The following TPX2 variants were observed in gnomAD, a reference collection of about 807,000 sequenced individuals.
The protein encoded by TPX2 is TPX2 microtubule nucleation factor.
TPX2 carries 21 observed loss-of-function variants against 93.6 expected under a neutral mutation model. The observed-to-expected ratio is 0.22, with a 90% CI of 0.16 to 0.32. The LOEUF (loss-of-function observed/expected upper bound fraction) is 0.32, where lower values mean the gene tolerates loss of function less well. TPX2 is among the 10% of genes least tolerant of loss of function. The pLI is 1.00. For synonymous variants in TPX2, 281 were observed against 298.3 expected (o/e 0.94, Z 0.60); for missense variants, 776 against 871.1 (o/e 0.89, Z 1.37).
In TPX2 at chr20:31,783,748, G is replaced by A. The variant is rs202112546; in HGVS notation, c.1240G>A (p.Gly414Ser). 14 of 1,613,026 alleles carry A rather than the reference G, an allele frequency of 8.7e-6. No homozygotes were observed. The highest frequency in any genetic ancestry group is 1.3e-5 in the African/African-American group (1 of 74,960). Residue 414 changes from glycine to serine, a missense_variant, in exon 12 of 18, where the codon GGT becomes AGT. Physicochemically the swap from Gly to Ser is moderately conservative, Grantham distance 56. Coordinates refer to ENST00000300403, the MANE Select transcript of TPX2 (RefSeq NM_012112.5). ...ARELDPRILE[G>S]GPILPKKPPV... Reference sequence around the variant, plus strand: ...TGAACTTGATCCCAGAATACTTGAAGGTGGGCCCATCTTGCCCAAGAAACC... The same window carrying A: ...TGAACTTGATCCCAGAATACTTGAAAGTGGGCCCATCTTGCCCAAGAAACC...
intron 2 of TPX2, among the ~76,000 whole-genome samples, chr20:31,743,493 C>G (rs1384699613): frequency 6.6e-6 from 1 of 151,972 alleles, no homozygotes; most frequent in Non-Finnish European, 1.5e-5. Flanking sequence ...CGCGACCAGC[C>G]TGGGCAACAT....
chr20:31,743,450 C>T lies in TPX2; in HGVS notation c.-71+803C>T, dbSNP rs2122937950. On this transcript the variant is annotated intron_variant, in intron 2 of 17. Coordinates refer to ENST00000300403, the MANE Select transcript of TPX2 (RefSeq NM_012112.5). ...CCTGTAATCCCACCACTTTGGGAGACTTAAATAGGAGGATTGCTTGAGGCC... is the reference window on the plus strand; with the variant it reads ...CCTGTAATCCCACCACTTTGGGAGATTTAAATAGGAGGATTGCTTGAGGCC... Among the ~76,000 whole-genome samples, 2 of 152,228 alleles carry T rather than the reference C, an allele frequency of 1.3e-5. 1 individual carries two copies. Among genetic ancestry groups the T allele is most frequent in the East Asian group, 3.9e-4 (2 of 5,178 alleles).
At chr20:31,763,648 G>A (rs2061904683) in intron 4 of TPX2, among the ~76,000 whole-genome samples, 1 of 150,920 alleles carries the variant, frequency 6.6e-6, no homozygotes, top group Admixed American at 6.6e-5. Flanking sequence ...ATGCATAAAT[G>A]TTTAGGATTG....
chr20:31,782,427 C>T (rs752295512), intron 11 of TPX2, 37 bp downstream of exon 11: 38 of 1,569,388 alleles, frequency 2.4e-5, no homozygotes, highest in Middle Eastern at 1.8e-4. Flanking sequence ...AAGAGTTCCA[C>T]GAACCTGCCT....
Position 31,797,527 on chromosome 20 carries a change from T to C in TPX2, c.1945+12T>C, listed in dbSNP as rs540776178. Reference sequence around the variant, plus strand: ...GAAATCAGTTGCTGGTAGTATTATATGTACTCTGATGGGACTCGGGCAGAA... The same window carrying C: ...GAAATCAGTTGCTGGTAGTATTATACGTACTCTGATGGGACTCGGGCAGAA... On this transcript the variant is annotated intron_variant, in intron 16 of 17. Coordinates refer to ENST00000300403, the MANE Select transcript of TPX2 (RefSeq NM_012112.5). The C allele has an allele frequency of 1.2e-6, 2 of 1,609,852 alleles. No individual in the cohort carries two copies. Among genetic ancestry groups the C allele is most frequent in the South Asian group, 1.1e-5 (1 of 90,906 alleles).
At chr20:31,764,116 ATGTG>A (rs34121530) in intron 4 of TPX2, among the ~76,000 whole-genome samples, 3 of 150,858 alleles carry the variant, frequency 2.0e-5, no homozygotes, top group Admixed American at 6.6e-5. Context: ...ATATACATGT[ATGTG>A]TGTATATATG....
chr20:31,793,438 GCTTGAAC>G (rs1431760833), intron 13 of TPX2, among the ~76,000 whole-genome samples: 3 of 152,124 alleles, frequency 2.0e-5, no homozygotes, highest in Non-Finnish European at 2.9e-5. Context: ...TGTGTTACCA[GCTTGAAC>G]CCAAACAACT....
intron 10 of TPX2, 47 bp from the exon 11 acceptor site, chr20:31,782,202 A>T: frequency 1.3e-6 from 2 of 1,566,840 alleles, no homozygotes; most frequent in South Asian, 1.2e-5. Context: ...TTACAAGTAA[A>T]CTGGGTCTTG....
intron 12 of TPX2, among the ~76,000 whole-genome samples, chr20:31,788,125 A>T (rs2062078291): frequency 6.6e-6 from 1 of 152,228 alleles, no homozygotes; most frequent in African/African-American, 2.4e-5. Context: ...CATTTATAAG[A>T]GAGTAAGTCG....
At chr20:31,740,457 C>A (rs1348272070) in intron 1 of TPX2, among the ~76,000 whole-genome samples, 2 of 152,144 alleles carry the variant, frequency 1.3e-5, no homozygotes, top group African/African-American at 4.8e-5. Context: ...AGACTTGAGT[C>A]CCCCTGGTTG....
intron 10 of TPX2, among the ~76,000 whole-genome samples, chr20:31,779,528 A>T (rs779658207): frequency 1.3e-5 from 2 of 152,238 alleles, no homozygotes; most frequent in African/African-American, 2.4e-5. Flanking sequence ...TATCTCTGTC[A>T]TTAGAGATAC....
chr20:31,743,334 C>T (rs2061764411), intron 2 of TPX2, among the ~76,000 whole-genome samples: 2 of 152,230 alleles, frequency 1.3e-5, no homozygotes, highest in South Asian at 4.1e-4. Flanking sequence ...ATACTTAATA[C>T]AATGTAAATG....
chr20:31,776,007 G>T lies in TPX2; in HGVS notation c.730+19G>T. On this transcript the variant is annotated intron_variant, in intron 8 of 17. Transcript: ENST00000300403. ...GGAATAGGTGAGCTTGGCTGTGGTT[G>T]AGTCTGATTCATGAGGGGTGGTTCT... The T allele has an allele frequency of 7.4e-7, 1 of 1,353,654 alleles. No individual in the cohort carries two copies. Among genetic ancestry groups the T allele is most frequent in the South Asian group, 1.4e-5 (1 of 71,596 alleles). 83.9% of individuals were successfully genotyped at this position (1,353,654 alleles called of 1,614,324 possible).
chr20:31,759,999 A>G lies in TPX2; in HGVS notation c.107-58A>G, dbSNP rs116004791. The G allele has an allele frequency of 1.4e-4, 229 of 1,598,576 alleles. 1 individual carries two copies. The African/African-American group carries it at 2.4e-3, about 17-fold the overall frequency. Reference sequence around the variant, plus strand: ...CTTTAGTTTGCATTTTAAATGCGTGATAGTGATTTGTTTTGCTTCCTTGCT... The same window carrying G: ...CTTTAGTTTGCATTTTAAATGCGTGGTAGTGATTTGTTTTGCTTCCTTGCT... On this transcript the variant is annotated intron_variant, in intron 3 of 17. Transcript: ENST00000300403.
At chr20:31,746,381 C>T (rs1037641919) in intron 2 of TPX2, among the ~76,000 whole-genome samples, 5 of 152,186 alleles carry the variant, frequency 3.3e-5, no homozygotes, top group Admixed American at 6.5e-5. Flanking sequence ...AGTAACTCCA[C>T]TCTATTTTAC....
chr20:31,794,641 G>A (rs895528360), intron 15 of TPX2, 93 bp downstream of exon 15: 3 of 1,478,206 alleles, frequency 2.0e-6, no homozygotes, highest in Non-Finnish European at 2.7e-6. Flanking sequence ...GGGTTAACAT[G>A]CTACATTGTT....
rs1213153130 is a variant in TPX2, at chr20:31,770,324, G to T, written c.357-19G>T. 1 of 1,504,434 alleles carries T rather than the reference G, an allele frequency of 6.6e-7. No homozygotes were observed. The highest frequency in any genetic ancestry group is 2.4e-5 in the East Asian group (1 of 42,084). The allele number at this position is 1,504,434 out of a possible 1,614,324, so 93.2% of individuals were successfully genotyped here. ...AGTATATATATTTATTATATATTTT[G>T]TCAATTTCTCTACCATAGAAGATCT... On this transcript the variant is annotated intron_variant, in intron 5 of 17. Transcript: ENST00000300403.
chr20:31,771,748 A>G, intron 7 of TPX2, 66 bp downstream of exon 7: 2 of 1,545,798 alleles, frequency 1.3e-6, no homozygotes, highest in East Asian at 2.3e-5. Flanking sequence ...TACATCTACA[A>G]CCTGTTTGGT....
chr20:31,757,687 C>A, intron 3 of TPX2, 105 bp downstream of exon 3: 2 of 786,720 alleles, frequency 2.5e-6, no homozygotes, highest in Non-Finnish European at 2.0e-6. Context: ...AAAATATCAA[C>A]TTCTTTCTGC....
Sources: gnomAD v4.1 joint callset for allele counts (sites outside exome capture counted in the v4.1 genomes callset) on GRCh38, gnomAD v4.1.1 for gene constraint, MANE v1.5 for transcripts, NCBI Gene and HGNC (gene_info 2026-07-23, HGNC 2026-07-21) for gene names.